Variants in CSMD1 observed in about 807,000 individuals in gnomAD.
CSMD1 encodes CUB and sushi domain-containing protein 1.
CSMD1 carries 213 observed loss-of-function variants against 417.5 expected under a neutral mutation model. That is an observed-to-expected ratio of 0.51 (90% confidence interval 0.46 to 0.57). The LOEUF is 0.57. Ranked by LOEUF, CSMD1 falls within the 20% of genes least tolerant of loss-of-function variation. The pLI, the probability that CSMD1 is intolerant of heterozygous loss-of-function variation, is 0.00. For synonymous variants in CSMD1, 2,862 were observed against 1,736.8 expected, an observed-to-expected ratio of 1.65 and a Z score of -16.11; for missense variants, 6,923 against 4,529.7, an observed-to-expected ratio of 1.53 and a Z score of -15.17.
chr8:3,813,518 G>T (rs940440002), intron 5 of CSMD1, among the ~76,000 whole-genome samples: 1 of 152,164 alleles, frequency 6.6e-6, no homozygotes, highest in Non-Finnish European at 1.5e-5. Flanking sequence ...GCGTGAATAT[G>T]AAGACTGATC....
At chr8:4,983,798 G>C (rs1811025121) in intron 1 of CSMD1, among the ~76,000 whole-genome samples, 1 of 150,760 alleles carries the variant, frequency 6.6e-6, no homozygotes. Context: ...CATAGTAACT[G>C]ACAAAAAAAT....
At chr8:4,859,237 C>T (rs1330802108) in intron 1 of CSMD1, among the ~76,000 whole-genome samples, 2 of 151,874 alleles carry the variant, frequency 1.3e-5, no homozygotes, top group African/African-American at 4.8e-5. Context: ...AACTGGATCC[C>T]TTCCTTACAC....
At chr8:4,692,052 G>A (rs62484580) in intron 1 of CSMD1, among the ~76,000 whole-genome samples, 2 of 152,062 alleles carry the variant, frequency 1.3e-5, no homozygotes, top group African/African-American at 2.4e-5. Flanking sequence ...ATGATAATGC[G>A]GGGCACACAA....
At chr8:4,910,812 T>C (rs887543443) in intron 1 of CSMD1, among the ~76,000 whole-genome samples, 8 of 152,206 alleles carry the variant, frequency 5.3e-5, no homozygotes, top group African/African-American at 1.9e-4. Flanking sequence ...AATTGATAAA[T>C]GTCATTAGAT....
intron 3 of CSMD1, among the ~76,000 whole-genome samples, chr8:4,220,037 C>T (rs1189281462): frequency 1.3e-5 from 2 of 152,050 alleles, no homozygotes; most frequent in Non-Finnish European, 2.9e-5. Context: ...ACAACCTCTG[C>T]CTCTCAGGTT....
At position 4,994,484 on chromosome 8, in the gene CSMD1, G is replaced by T; in HGVS notation, c.-68C>A. The T allele has an allele frequency of 7.0e-7, 1 of 1,427,330 alleles. No homozygotes were observed. The highest frequency in any genetic ancestry group is 9.7e-7 in the Non-Finnish European group (1 of 1,027,836). The allele number at this position is 1,427,330 out of a possible 1,614,324, so 88.4% of individuals were successfully genotyped here. ...CGAGGAAGGCAGGGCTATGAGCGGA[G>T]CCAAATAATCACCCGAGGGCAAGGC... is the stretch of plus-strand genomic sequence containing the variant. On this transcript the variant is annotated 5_prime_UTR_variant, in exon 1 of 70. Transcript: ENST00000635120.
chr8:3,124,647 G>A (rs540821071), intron 41 of CSMD1, among the ~76,000 whole-genome samples: 8 of 152,084 alleles, frequency 5.3e-5, no homozygotes, highest in Non-Finnish European at 8.8e-5. Context: ...CTCCTAAAGT[G>A]TGTGCCCCTT....
chr8:3,265,187 A>C (rs1236366500), intron 26 of CSMD1, among the ~76,000 whole-genome samples: 1 of 152,200 alleles, frequency 6.6e-6, no homozygotes, highest in East Asian at 1.9e-4. Context: ...CCAATAACTA[A>C]AAAATAAGAA....
chr8:4,695,878 C>T (rs1459482750), intron 1 of CSMD1, among the ~76,000 whole-genome samples: 1 of 152,164 alleles, frequency 6.6e-6, no homozygotes, highest in Non-Finnish European at 1.5e-5. Context: ...CTCTTTTGAA[C>T]ATGAGAAACC....
intron 9 of CSMD1, among the ~76,000 whole-genome samples, chr8:3,585,011 C>G (rs996119068): frequency 2.6e-5 from 4 of 152,160 alleles, no homozygotes; most frequent in East Asian, 1.9e-4. Context: ...ATTGCTGACT[C>G]TCCTGAAGGG....
chr8:3,507,338 C>T (rs1370283249), intron 10 of CSMD1, among the ~76,000 whole-genome samples: 1 of 152,182 alleles, frequency 6.6e-6, no homozygotes, highest in African/African-American at 2.4e-5. Flanking sequence ...ATGAACTCAT[C>T]ATTTTTTATG....
intron 3 of CSMD1, among the ~76,000 whole-genome samples, chr8:4,333,754 T>C (rs1313673675): frequency 6.6e-6 from 1 of 152,160 alleles, no homozygotes; most frequent in Non-Finnish European, 1.5e-5. Context: ...GTCCGCTGCC[T>C]GCCACGGGTA....
intron 3 of CSMD1, among the ~76,000 whole-genome samples, chr8:4,060,951 A>G (rs992518206): frequency 2.0e-5 from 3 of 152,224 alleles, no homozygotes; most frequent in Non-Finnish European, 1.5e-5. Context: ...CTTCTCATTG[A>G]AAGTGTGGAG....
At position 2,974,574 on chromosome 8, in the gene CSMD1, C is replaced by G. The variant is rs763754287; in HGVS notation, c.8617G>C (p.Glu2873Gln). The change falls in exon 56 of 70, where the codon GAG (glutamate) becomes CAG (glutamine). Residue 2873 changes from glutamate (E) to glutamine (Q), a missense_variant. Transcript: ENST00000635120. ...ACGACGGCGCCATAGGTAAACAGCT[C>G]TCCAGTGAGGACGGCGTTGGCAGGG... ...GVPANAVLTGELFTYGAVVHY... is the reference protein window; with the variant it reads ...GVPANAVLTGQLFTYGAVVHY... The G allele has an allele frequency of 1.2e-6, 2 of 1,612,796 alleles. No individual in the cohort carries two copies. The highest frequency in any genetic ancestry group is 1.7e-5 in the Admixed American group (1 of 59,910).
intron 10 of CSMD1, among the ~76,000 whole-genome samples, chr8:3,495,693 C>G (rs1007741369): frequency 6.6e-6 from 1 of 152,176 alleles, no homozygotes; most frequent in Non-Finnish European, 1.5e-5. Context: ...ATTTTAACCA[C>G]ATATACCATC....
chr8:4,046,238 G>C (rs1047767642), intron 3 of CSMD1, among the ~76,000 whole-genome samples: 8 of 152,096 alleles, frequency 5.3e-5, no homozygotes, highest in African/African-American at 1.9e-4. Context: ...TAAAGGTCAT[G>C]TGGCATTATC....
At chr8:4,390,024 T>G (rs1803736466) in intron 3 of CSMD1, among the ~76,000 whole-genome samples, 1 of 152,252 alleles carries the variant, frequency 6.6e-6, no homozygotes, top group African/African-American at 2.4e-5. Context: ...CAATTTGCTT[T>G]TCACAAATTG....
intron 3 of CSMD1, among the ~76,000 whole-genome samples, chr8:4,350,772 G>A (rs529522324): frequency 6.6e-5 from 10 of 152,294 alleles, no homozygotes; most frequent in South Asian, 2.1e-4. Flanking sequence ...TTGAATTTAA[G>A]TAGGTTATTT....
chr8:4,070,506 C>G (rs1019143363), intron 3 of CSMD1, among the ~76,000 whole-genome samples: 13 of 152,136 alleles, frequency 8.5e-5, no homozygotes, highest in African/African-American at 2.6e-4. Context: ...TACAGGCGCC[C>G]GCCACCACGG....
Sources: gnomAD v4.1 joint callset for allele counts (sites outside exome capture counted in the v4.1 genomes callset) on GRCh38, gnomAD v4.1.1 for gene constraint, MANE v1.5 for transcripts, NCBI Gene and HGNC (gene_info 2026-07-23, HGNC 2026-07-21) for gene names.